The following SHISA6 variants were observed in gnomAD, a reference collection of about 807,000 sequenced individuals.
SHISA6 encodes the protein protein shisa-6.
In SHISA6, 22 loss-of-function variants were observed where a neutral mutation model predicts 47.9. The observed-to-expected ratio is 0.46, with a 90% confidence interval of 0.33 to 0.66. The LOEUF (loss-of-function observed/expected upper bound fraction) is 0.66, where lower values mean the gene tolerates loss of function less well. Ranked by LOEUF, SHISA6 falls within the 30% of genes least tolerant of loss-of-function variation. The pLI, the probability that SHISA6 is intolerant of heterozygous loss-of-function variation, is 0.02. For synonymous variants in SHISA6, 388 were observed against 337.8 expected, an observed-to-expected ratio of 1.15 and a Z score of -1.63; for missense variants, 680 against 764.6, an observed-to-expected ratio of 0.89 and a Z score of 1.30.
At chr17:11,441,450 C>T (rs966061286) in intron 3 of SHISA6, among the ~76,000 whole-genome samples, 1 of 152,168 alleles carries the variant, frequency 6.6e-6, no homozygotes, top group African/African-American at 2.4e-5. Context: ...GAGCCATCTC[C>T]ATCAGGAATG....
chr17:11,314,640 A>G (rs1162110396), intron 2 of SHISA6, among the ~76,000 whole-genome samples: 3 of 151,654 alleles, frequency 2.0e-5, no homozygotes, highest in South Asian at 2.1e-4. Context: ...GATTCAAGCA[A>G]TTCTCCTGCC....
chr17:11,373,588 G>T (rs538625587), intron 2 of SHISA6, among the ~76,000 whole-genome samples: 22 of 151,786 alleles, frequency 1.4e-4, no homozygotes, highest in Non-Finnish European at 2.8e-4. Context: ...ACATATGCAC[G>T]CATCCTCAAA....
At chr17:11,553,953 T>C (rs2142389160) in intron 4 of SHISA6, among the ~76,000 whole-genome samples, 1 of 152,228 alleles carries the variant, frequency 6.6e-6, no homozygotes, top group East Asian at 1.9e-4. Flanking sequence ...GGCATTTCTA[T>C]AGGAGGGAGA....
At chr17:11,490,241 G>A (rs1449844205) in intron 3 of SHISA6, among the ~76,000 whole-genome samples, 1 of 152,202 alleles carries the variant, frequency 6.6e-6, no homozygotes, top group Admixed American at 6.5e-5. Context: ...ACCCGAGAAG[G>A]TGGAGGCAAA....
Position 11,287,269 on chromosome 17 carries a change from CAAGG to C in SHISA6, c.799+23758_799+23761del, listed in dbSNP as rs776278296. ...GGAAGGAGGGAGGGAAGGAAGGAAG[CAAGG>C]AAGGAAGGAAGGAAAGGAAGGAAGG... is the stretch of plus-strand genomic sequence containing the variant. On this transcript the variant is annotated intron_variant, in intron 2 of 5. Transcript: ENST00000441885. Among the ~76,000 whole-genome samples, 427 of 138,572 alleles carry C rather than the reference CAAGG, an allele frequency of 3.1e-3. 2 individuals carry two copies. The highest frequency in any genetic ancestry group is 0.01 in the African/African-American group (361 of 35,814). 90.9% of individuals were successfully genotyped at this position (138,572 alleles called of 152,430 possible).
chr17:11,281,201 T>C (rs1427041770), intron 2 of SHISA6, among the ~76,000 whole-genome samples: 1 of 152,206 alleles, frequency 6.6e-6, no homozygotes, highest in East Asian at 1.9e-4. Context: ...TAATATATCA[T>C]GTATAACATA....
intron 3 of SHISA6, among the ~76,000 whole-genome samples, chr17:11,456,886 T>C (rs1334513754): frequency 6.6e-6 from 1 of 152,170 alleles, no homozygotes; most frequent in Non-Finnish European, 1.5e-5. Context: ...ACCCTGGCCA[T>C]TCAACTGGGG....
intron 3 of SHISA6, among the ~76,000 whole-genome samples, chr17:11,427,243 C>T (rs1371127530): frequency 6.6e-6 from 1 of 152,138 alleles, no homozygotes; most frequent in African/African-American, 2.4e-5. Context: ...AAGCGATTCT[C>T]CTGCCTTAGC....
intron 2 of SHISA6, among the ~76,000 whole-genome samples, chr17:11,319,667 A>G (rs1910646519): frequency 6.6e-6 from 1 of 152,224 alleles, no homozygotes; most frequent in South Asian, 2.1e-4. Flanking sequence ...AAATGATAAC[A>G]TAGTAGCTTT....
In SHISA6 at chr17:11,352,357, G is replaced by A. The variant is rs368083346; in HGVS notation, c.800-27057G>A. Among the ~76,000 whole-genome samples the A allele has an allele frequency of 6.6e-4, 100 of 152,212 alleles. 1 individual carries two copies. The highest frequency in any genetic ancestry group is 2.3e-3 in the African/African-American group (97 of 41,536). On this transcript the variant is annotated intron_variant, in intron 2 of 5. Transcript: ENST00000441885. The stretch of plus-strand genomic sequence containing the variant: ...ATGGTTAACAGCTGCAAATACAAGA[G>A]GACAAGTAGATTAAGGACCAAAGAA...
chr17:11,394,998 C>CTTTTTT, intron 3 of SHISA6, among the ~76,000 whole-genome samples: 869 of 95,046 alleles, frequency 9.1e-3, no homozygotes, highest in African/African-American at 0.014. Flanking sequence ...TTTTTCTTTT[C>CTTTTTT]TTTTTTTTTT....
intron 2 of SHISA6, among the ~76,000 whole-genome samples, chr17:11,350,170 A>ATTTTTTTTTTTTTTTTT (rs1295741204): frequency 9.5e-6 from 1 of 105,412 alleles, no homozygotes; most frequent in East Asian, 4.5e-4. Flanking sequence ...TTATTTATTT[A>ATTTTTTTTTTTTTTTTT]TTTATTTATT....
At chr17:11,460,445 G>A (rs1446743181) in intron 3 of SHISA6, among the ~76,000 whole-genome samples, 1 of 152,194 alleles carries the variant, frequency 6.6e-6, no homozygotes, top group Non-Finnish European at 1.5e-5. Flanking sequence ...AGGCTGGAGT[G>A]CAATGGCATG....
At chr17:11,388,937 CA>C (rs1913299161) in intron 3 of SHISA6, among the ~76,000 whole-genome samples, 1 of 151,112 alleles carries the variant, frequency 6.6e-6, no homozygotes, top group Non-Finnish European at 1.5e-5. Context: ...AATGATTCTG[CA>C]AAACTCCCTT....
intron 3 of SHISA6, among the ~76,000 whole-genome samples, chr17:11,492,656 C>A (rs1014852959): frequency 1.3e-5 from 2 of 152,134 alleles, no homozygotes; most frequent in Non-Finnish European, 2.9e-5. Context: ...CCCCTTCCTC[C>A]TTGCACGCAC....
intron 2 of SHISA6, among the ~76,000 whole-genome samples, chr17:11,367,229 T>C (rs908207776): frequency 4.6e-5 from 7 of 152,136 alleles, no homozygotes; most frequent in Non-Finnish European, 1.0e-4. Flanking sequence ...AATGAGCCCA[T>C]TGAGGGAGAG....
chr17:11,460,880 T>A (rs1915672446), intron 3 of SHISA6, among the ~76,000 whole-genome samples: 1 of 152,210 alleles, frequency 6.6e-6, no homozygotes, highest in Non-Finnish European at 1.5e-5. Flanking sequence ...CCTGAATGTG[T>A]TTTAATCAGC....
chr17:11,390,490 G>A lies in SHISA6; in HGVS notation c.895+10981G>A, dbSNP rs552854031. Among the ~76,000 whole-genome samples, 227 of 152,294 alleles carry A rather than the reference G, an allele frequency of 1.5e-3. 1 individual carries two copies. The South Asian group carries it at 0.017, about 11-fold the overall frequency. On this transcript the variant is annotated intron_variant, in intron 3 of 5. Transcript: ENST00000441885. Reference sequence around the variant, plus strand: ...CTTCACTTGGGAGCCAGTGAGAAATGCAGACTCCCAGGCCCCACCCCAAAC... The same window carrying A: ...CTTCACTTGGGAGCCAGTGAGAAATACAGACTCCCAGGCCCCACCCCAAAC...
intron 3 of SHISA6, among the ~76,000 whole-genome samples, chr17:11,524,070 TGAAA>T (rs1474592454): frequency 5.7e-5 from 8 of 140,852 alleles, no homozygotes; most frequent in African/African-American, 1.3e-4. Flanking sequence ...GAAAGAAAGA[TGAAA>T]GAAAGAAAAA....
Sources: gnomAD v4.1 joint callset for allele counts (sites outside exome capture counted in the v4.1 genomes callset) on GRCh38, gnomAD v4.1.1 for gene constraint, MANE v1.5 for transcripts, NCBI Gene and HGNC (gene_info 2026-07-23, HGNC 2026-07-21) for gene names.